Variants in AK5 observed in about 807,000 individuals in gnomAD.
AK5 encodes the protein adenylate kinase isoenzyme 5.
Under a neutral mutation model 69.5 loss-of-function variants are expected in AK5, and 27 were observed. The observed-to-expected ratio is 0.39, with a 90% CI of 0.29 to 0.54. The LOEUF is 0.54. Among genes scored for constraint, AK5 ranks in the 20% least tolerant of loss-of-function variants. The probability of loss-of-function intolerance (pLI) is 0.71; values close to 1 mark genes in which losing one functional copy is unlikely to be tolerated. For missense variants in AK5, 531 were observed against 700.4 expected (o/e 0.76, Z 2.73); for synonymous variants, 260 against 244.4 (o/e 1.06, Z -0.60).
At chr1:77,333,068 A>G (rs1661170555) in intron 5 of AK5, among the ~76,000 whole-genome samples, 1 of 151,850 alleles carries the variant, frequency 6.6e-6, no homozygotes, top group Non-Finnish European at 1.5e-5. Flanking sequence ...GCTCTAGGTA[A>G]TACTTTTCTC....
At chr1:77,310,570 A>G (rs1449840881) in intron 5 of AK5, among the ~76,000 whole-genome samples, 1 of 151,896 alleles carries the variant, frequency 6.6e-6, no homozygotes, top group East Asian at 1.9e-4. Flanking sequence ...TTTAGTAGAG[A>G]CGGGGTTTCA....
At chr1:77,483,462 A>G in intron 9 of AK5, 103 bp downstream of exon 9, 1 of 941,246 alleles carries the variant, frequency 1.1e-6, no homozygotes, top group Middle Eastern at 3.0e-4. Flanking sequence ...TAACAGCATC[A>G]CTTTTTCCTT....
At chr1:77,540,519 A>T (rs1054136182) in intron 13 of AK5, 2 of 152,228 alleles carry the variant, frequency 1.3e-5, no homozygotes. Flanking sequence ...TTAGCCTACA[A>T]GAAGAAGTTT....
intron 7 of AK5, among the ~76,000 whole-genome samples, chr1:77,413,230 T>C (rs1387647342): frequency 6.6e-6 from 1 of 152,106 alleles, no homozygotes; most frequent in African/African-American, 2.4e-5. Flanking sequence ...CTTCCTGCCT[T>C]AGGCATTTTC....
At chr1:77,406,664 A>AG (rs562483540) in intron 6 of AK5, among the ~76,000 whole-genome samples, 1 of 151,706 alleles carries the variant, frequency 6.6e-6, no homozygotes, top group Non-Finnish European at 1.5e-5. Context: ...TTCAAATCTT[A>AG]GCTCTTCTGC....
chr1:77,460,721 GA>G (rs911125167), intron 8 of AK5, among the ~76,000 whole-genome samples: 3 of 139,174 alleles, frequency 2.2e-5, no homozygotes, highest in Non-Finnish European at 4.7e-5. Flanking sequence ...ATTTTATGTG[GA>G]ATTTTTTTTT....
chr1:77,367,818 ATAT>A (rs1647014205), intron 6 of AK5, among the ~76,000 whole-genome samples: 1 of 53,920 alleles, frequency 1.9e-5, no homozygotes, highest in Admixed American at 3.5e-4. Flanking sequence ...TATGTTATAT[ATAT>A]TATATATAAT....
intron 6 of AK5, among the ~76,000 whole-genome samples, chr1:77,372,331 A>G (rs1460892897): frequency 1.3e-5 from 2 of 152,200 alleles, no homozygotes; most frequent in East Asian, 3.8e-4. Flanking sequence ...CAATCATGAT[A>G]ATAATTTTTA....
chr1:77,343,612 CT>C (rs1661769214), intron 6 of AK5, among the ~76,000 whole-genome samples: 1 of 152,146 alleles, frequency 6.6e-6, no homozygotes, highest in Admixed American at 6.6e-5. Flanking sequence ...ACCTGTGTGA[CT>C]TTCTGCAGGT....
At chr1:77,307,034 A>T (rs929351034) in intron 5 of AK5, among the ~76,000 whole-genome samples, 5 of 151,630 alleles carry the variant, frequency 3.3e-5, no homozygotes, top group African/African-American at 1.2e-4. Context: ...ATTTCATTTT[A>T]CTTTTCAAAA....
chr1:77,283,358 C>T lies in AK5; in HGVS notation c.60+985C>T, dbSNP rs1306457121. ...TAAGCGAGCTCTGAAAGGAGAAATCCATTCACTGCAAACCTCGTTCCCCAT... is the reference window on the plus strand; with the variant it reads ...TAAGCGAGCTCTGAAAGGAGAAATCTATTCACTGCAAACCTCGTTCCCCAT... On this transcript the variant is annotated intron_variant, in intron 1 of 13. Coordinates refer to ENST00000354567, the MANE Select transcript of AK5 (RefSeq NM_174858.3). The T allele has an allele frequency of 5.1e-6, 5 of 985,372 alleles. No individual in the cohort carries two copies. The East Asian group carries it at 5.7e-4, about 112-fold the overall frequency. 61.0% of individuals were successfully genotyped at this position (985,372 alleles called of 1,614,324 possible).
At chr1:77,427,079 C>G (rs1006100733) in intron 8 of AK5, among the ~76,000 whole-genome samples, 2 of 151,644 alleles carry the variant, frequency 1.3e-5, no homozygotes, top group African/African-American at 4.8e-5. Flanking sequence ...ATAAAAGCCT[C>G]CACTGTAGAA....
chr1:77,505,863 C>T (rs968305717), intron 10 of AK5, among the ~76,000 whole-genome samples: 1 of 151,926 alleles, frequency 6.6e-6, no homozygotes, highest in Non-Finnish European at 1.5e-5. Flanking sequence ...GATCGGCAGC[C>T]TGGGCAACAG....
At chr1:77,366,638 T>A (rs1646954969) in intron 6 of AK5, among the ~76,000 whole-genome samples, 1 of 152,178 alleles carries the variant, frequency 6.6e-6, no homozygotes, top group Non-Finnish European at 1.5e-5. Context: ...TATCAAGTTA[T>A]TCATACTCAG....
At chr1:77,368,284 T>TATATATATTATATATA (rs1647051643) in intron 6 of AK5, among the ~76,000 whole-genome samples, 1 of 98,988 alleles carries the variant, frequency 1.0e-5, no homozygotes, top group African/African-American at 3.6e-5. Flanking sequence ...TTATATATGT[T>TATATATATTATATATA]ATATATATGT....
chr1:77,349,413 A>C (rs1032365637), intron 6 of AK5: 2 of 152,260 alleles, frequency 1.3e-5, no homozygotes, highest in Non-Finnish European at 2.9e-5. Flanking sequence ...ACGAAAGCAC[A>C]TGAAAGTGTA....
chr1:77,475,028 C>A (rs1340238324), intron 8 of AK5, among the ~76,000 whole-genome samples: 2 of 151,680 alleles, frequency 1.3e-5, no homozygotes, highest in Non-Finnish European at 2.9e-5. Flanking sequence ...ATCTTGAAGT[C>A]CTGGCTTCAA....
At chr1:77,306,677 G>A (rs756617576) in intron 5 of AK5, among the ~76,000 whole-genome samples, 5 of 151,938 alleles carry the variant, frequency 3.3e-5, no homozygotes, top group Non-Finnish European at 7.4e-5. Flanking sequence ...ATGATTGGTA[G>A]TAGTTCTTCT....
chr1:77,391,084 A>G, intron 6 of AK5, among the ~76,000 whole-genome samples: 1 of 152,152 alleles, frequency 6.6e-6, no homozygotes, highest in East Asian at 1.9e-4. Flanking sequence ...GTTCTCTCAG[A>G]AGACACCTGT....
Sources: allele counts gnomAD v4.1 joint callset (sites outside exome capture counted in the v4.1 genomes callset), GRCh38; gene constraint gnomAD v4.1.1; transcripts MANE v1.5; gene names NCBI Gene and HGNC (gene_info 2026-07-23, HGNC 2026-07-21).